The following NRF1 variants were observed in gnomAD, a reference collection of about 807,000 sequenced individuals.
NRF1 encodes nuclear respiratory factor 1.
In NRF1, 5 loss-of-function variants were observed where a neutral mutation model predicts 58.5. The ratio of observed to expected loss-of-function variants is 0.09; its 90% CI spans 0.04 to 0.18. NRF1 has a LOEUF of 0.18. NRF1 is among the 10% of genes least tolerant of loss of function. The pLI, the probability that NRF1 is intolerant of heterozygous loss-of-function variation, is 1.00. For missense variants in NRF1, 288 were observed against 657.7 expected (o/e 0.44, Z 6.15); for synonymous variants, 224 against 246.7 (o/e 0.91, Z 0.86).
intron 1 of NRF1, among the ~76,000 whole-genome samples, chr7:129,649,475 T>G (rs780435738): frequency 6.6e-5 from 10 of 152,356 alleles, no homozygotes; most frequent in Admixed American, 1.3e-4. Context: ...CTTTTCTTTC[T>G]GCTTTGATTT....
intron 1 of NRF1, among the ~76,000 whole-genome samples, chr7:129,638,215 C>T (rs935898353): frequency 1.3e-5 from 2 of 152,032 alleles, no homozygotes; most frequent in African/African-American, 2.4e-5. Flanking sequence ...TTATCCCAGT[C>T]AAGCTACAGA....
intron 5 of NRF1, among the ~76,000 whole-genome samples, chr7:129,701,033 A>G (rs952542287): frequency 1.3e-5 from 2 of 152,256 alleles, no homozygotes; most frequent in Non-Finnish European, 2.9e-5. Context: ...CAGAAATACT[A>G]AAGAGAAGAA....
intron 10 of NRF1, among the ~76,000 whole-genome samples, chr7:129,747,267 G>A (rs1234327641): frequency 6.6e-6 from 1 of 152,168 alleles, no homozygotes. Context: ...CTTCATCTAC[G>A]TCATGTGCAG....
chr7:129,721,797 A>G (rs923233790), intron 9 of NRF1, among the ~76,000 whole-genome samples: 4 of 152,148 alleles, frequency 2.6e-5, no homozygotes, highest in African/African-American at 9.7e-5. Context: ...AGTCTTTAAG[A>G]TGAAATATTA....
chr7:129,687,236 G>C (rs1225836557), intron 4 of NRF1, among the ~76,000 whole-genome samples: 1 of 149,200 alleles, frequency 6.7e-6, no homozygotes, highest in East Asian at 1.9e-4. Context: ...GTTATTGTCT[G>C]AATTTTTGCC....
In NRF1 at chr7:129,755,776, C is replaced by T. The variant is rs1429153641; in HGVS notation, c.*595C>T. ...CCTCCCAGTGGCCACACAGAACTCT[C>T]CCTGCTGGACTCACCTGAGGAAAGA... On this transcript the variant is annotated 3_prime_UTR_variant, in exon 11 of 11. Transcript: ENST00000393232. The surrounding 1 kb of genome is among the most constrained non-coding windows in gnomAD (Gnocchi z 5.8). The T allele has an allele frequency of 6.5e-6, 1 of 152,768 alleles. No homozygotes were observed. Among genetic ancestry groups the T allele is most frequent in the African/African-American group, 2.4e-5 (1 of 41,406 alleles). 9.5% of individuals were successfully genotyped at this position (152,768 alleles called of 1,614,324 possible). A position where few individuals can be genotyped will look rare whatever the true frequency, so the allele number is the denominator to read the frequency against.
chr7:129,695,948 C>T (rs971130256), intron 5 of NRF1, among the ~76,000 whole-genome samples: 2 of 150,252 alleles, frequency 1.3e-5, no homozygotes, highest in Admixed American at 6.7e-5. Flanking sequence ...TTAGGCCGGG[C>T]GCAGTGGCTC....
At chr7:129,636,528 G>A (rs1252750994) in intron 1 of NRF1, among the ~76,000 whole-genome samples, 1 of 152,186 alleles carries the variant, frequency 6.6e-6, no homozygotes, top group Non-Finnish European at 1.5e-5. Context: ...GATTACAGGC[G>A]TCAGCCACTG....
Position 129,752,466 on chromosome 7 carries a change from C to T in NRF1, c.1349-2552C>T, listed in dbSNP as rs533978149. Among the ~76,000 whole-genome samples the T allele has an allele frequency of 2.6e-5, 4 of 152,278 alleles. No individual in the cohort carries two copies. In the South Asian group the frequency reaches 8.3e-4, roughly 32 times the overall value. ...GCAAACCACGAAAGGCCTTGAAGAC[C>T]ATGCTAAATCATTTGAACTTTGTTA... On this transcript the variant is annotated intron_variant, in intron 10 of 10. Coordinates refer to ENST00000393232, the MANE Select transcript of NRF1 (RefSeq NM_005011.5).
chr7:129,677,799 C>G (rs755359446), intron 4 of NRF1, 41 bp downstream of exon 4: 3 of 1,607,388 alleles, frequency 1.9e-6, no homozygotes, highest in Admixed American at 1.7e-5. Context: ...CCTTTGCTTT[C>G]TGTCGGCTGC....
intron 2 of NRF1, among the ~76,000 whole-genome samples, chr7:129,659,176 T>G (rs1433206986): frequency 2.7e-5 from 4 of 147,056 alleles, no homozygotes; most frequent in African/African-American, 7.7e-5. Context: ...CCTCCTGGGT[T>G]GGAGCAACTC....
chr7:129,657,315 C>T (rs762588791), intron 1 of NRF1, 31 bp from the exon 2 acceptor site: 4 of 1,459,218 alleles, frequency 2.7e-6, no homozygotes, highest in Non-Finnish European at 2.9e-6. Flanking sequence ...CACACTGAAT[C>T]CTGTTCTTTT....
intron 5 of NRF1, among the ~76,000 whole-genome samples, chr7:129,698,211 ATTCT>A (rs968742041): frequency 4.6e-5 from 7 of 151,628 alleles, no homozygotes; most frequent in Non-Finnish European, 1.0e-4. Context: ...TGAAAGCATG[ATTCT>A]TTATTAGTAA....
At chr7:129,746,461 A>G (rs374844536) in intron 10 of NRF1, among the ~76,000 whole-genome samples, 15 of 152,168 alleles carry the variant, frequency 9.9e-5, no homozygotes, top group African/African-American at 3.1e-4. Context: ...TTCCACTTCT[A>G]TACTGGCACA....
At chr7:129,625,780 C>T (rs1800901372) in intron 1 of NRF1, among the ~76,000 whole-genome samples, 1 of 139,868 alleles carries the variant, frequency 7.1e-6, no homozygotes, top group South Asian at 2.3e-4. Flanking sequence ...CTCCCGGGTT[C>T]ACGCCATTCT....
At chr7:129,612,386 C>T (rs991602075) in intron 1 of NRF1, among the ~76,000 whole-genome samples, 2 of 152,170 alleles carry the variant, frequency 1.3e-5, no homozygotes, top group African/African-American at 2.4e-5. Flanking sequence ...CTTTGGGCGA[C>T]CTCCGAAGCT....
intron 2 of NRF1, among the ~76,000 whole-genome samples, chr7:129,661,492 T>TCTGCCA (rs1801779254): frequency 6.6e-6 from 1 of 151,068 alleles, no homozygotes; most frequent in Non-Finnish European, 1.5e-5. Context: ...AGAAATTTCT[T>TCTGCCA]CTGCCAGATA....
intron 2 of NRF1, among the ~76,000 whole-genome samples, chr7:129,666,473 G>C (rs1801925253): frequency 1.3e-5 from 2 of 152,104 alleles, no homozygotes; most frequent in South Asian, 4.1e-4. Flanking sequence ...CACCCATGTT[G>C]ATAATGTGGC....
intron 2 of NRF1, among the ~76,000 whole-genome samples, chr7:129,667,480 T>G (rs1383800548): frequency 6.6e-6 from 1 of 152,098 alleles, no homozygotes; most frequent in Non-Finnish European, 1.5e-5. Flanking sequence ...TTTATAAAAA[T>G]TATTGATCTA....
Sources: allele counts gnomAD v4.1 joint callset (sites outside exome capture counted in the v4.1 genomes callset), GRCh38; gene constraint gnomAD v4.1.1; non-coding constraint Gnocchi (gnomAD v3.1); transcripts MANE v1.5; gene names NCBI Gene and HGNC (gene_info 2026-07-23, HGNC 2026-07-21).